The following U2AF2 variants were observed in gnomAD, a reference collection of about 807,000 sequenced individuals.
U2AF2 encodes splicing factor U2AF 65 kDa subunit.
A neutral mutation model predicts 52.6 loss-of-function variants in U2AF2; 6 were observed. That is an observed-to-expected ratio of 0.11 (90% confidence interval 0.06 to 0.23). U2AF2 has a LOEUF of 0.23. U2AF2 is among the 10% of genes least tolerant of loss of function. U2AF2 has a pLI of 1.00. For synonymous variants in U2AF2, 284 were observed against 258.2 expected, an observed-to-expected ratio of 1.10 and a Z score of -0.96; for missense variants, 222 against 677.1, an observed-to-expected ratio of 0.33 and a Z score of 7.46.
At chr19:55,657,974 C>T (rs1351052644) in intron 1 of U2AF2, among the ~76,000 whole-genome samples, 1 of 152,176 alleles carries the variant, frequency 6.6e-6, no homozygotes, top group African/African-American at 2.4e-5. Flanking sequence ...GGAAGCATCT[C>T]AATATTTGTT....
Position 55,669,070 on chromosome 19 carries a change from C to T in U2AF2, c.946-13C>T, listed in dbSNP as rs1191785402. The stretch of plus-strand genomic sequence containing the variant: ...CTCCCCGCACCCCCCGACCCCTCAT[C>T]CTCCAAACACAGGCCATTGCGGGGC... On this transcript the variant is annotated splice_polypyrimidine_tract_variant and intron_variant, in intron 9 of 11. Transcript: ENST00000308924. The T allele has an allele frequency of 4.3e-6, 7 of 1,609,750 alleles. No individual in the cohort carries two copies. Among genetic ancestry groups the T allele is most frequent in the Admixed American group, 1.7e-5 (1 of 59,942 alleles).
intron 7 of U2AF2, among the ~76,000 whole-genome samples, chr19:55,666,833 A>T (rs1487031678): frequency 2.0e-5 from 3 of 152,076 alleles, no homozygotes; most frequent in Non-Finnish European, 4.4e-5. Context: ...TCTTCCTTGG[A>T]CCCAGGCAGA....
intron 11 of U2AF2, among the ~76,000 whole-genome samples, chr19:55,672,316 C>T (rs1984973059): frequency 6.6e-6 from 1 of 152,116 alleles, no homozygotes; most frequent in African/African-American, 2.4e-5. Flanking sequence ...TCTTAATTTT[C>T]ATATTCAGCT....
At chr19:55,669,806 C>T in intron 11 of U2AF2, 114 bp downstream of exon 11, 4 of 1,408,906 alleles carry the variant, frequency 2.8e-6, no homozygotes, top group South Asian at 2.9e-5. Flanking sequence ...TCCGCGCGCT[C>T]TTTCTTCCTC....
chr19:55,674,308 C>T lies in U2AF2; in HGVS notation c.*240C>T, dbSNP rs1478224942. The T allele has an allele frequency of 4.0e-6, 2 of 499,690 alleles. No homozygotes were observed. Among genetic ancestry groups the T allele is most frequent in the East Asian group, 3.7e-5 (1 of 27,340 alleles). The allele number at this position is 499,690 out of a possible 1,614,324, so 31.0% of individuals were successfully genotyped here. Reference sequence around the variant, plus strand: ...AGCCCACACAGACAACACGCACCCACACAGACACAGAGGGAAGGGGTTGGG... The same window carrying T: ...AGCCCACACAGACAACACGCACCCATACAGACACAGAGGGAAGGGGTTGGG... On this transcript the variant is annotated 3_prime_UTR_variant, in exon 12 of 12. Coordinates refer to ENST00000308924, the MANE Select transcript of U2AF2 (RefSeq NM_007279.3).
intron 7 of U2AF2, among the ~76,000 whole-genome samples, chr19:55,667,817 A>T (rs2123690795): frequency 6.8e-6 from 1 of 147,378 alleles, no homozygotes; most frequent in African/African-American, 2.5e-5. Context: ...ATGGAGTCTC[A>T]CTCTGTTGCT....
intron 11 of U2AF2, among the ~76,000 whole-genome samples, chr19:55,670,978 G>C (rs1462206369): frequency 6.6e-6 from 1 of 152,194 alleles, no homozygotes; most frequent in Non-Finnish European, 1.5e-5. Flanking sequence ...CCAAAGCGAT[G>C]CCACAGCCAG....
intron 4 of U2AF2, 54 bp from the exon 5 acceptor site, chr19:55,660,984 G>A: frequency 6.5e-7 from 1 of 1,527,104 alleles, no homozygotes. Flanking sequence ...GGTGAGGGGT[G>A]GTCACTGAGC....
chr19:55,668,789 T>C lies in U2AF2; in HGVS notation c.942T>C (p.Asp314=). The change falls in exon 9 of 12, where the codon GAT becomes GAC. Residue 314 remains aspartate, a synonymous_variant. Coordinates refer to ENST00000308924, the MANE Select transcript of U2AF2 (RefSeq NM_007279.3). The surrounding 1 kb of genome is among the most constrained non-coding windows in gnomAD (Gnocchi z 5.5). ...FCEYVDINVT[D]QAIAGLNGMQ... ...AGTACGTGGACATCAACGTCACGGA[T>C]CAGGTGAGTCCCCGGTCGCTGGCCG... 1 of 1,611,482 alleles carries C rather than the reference T, an allele frequency of 6.2e-7. No homozygotes were observed. The highest frequency in any genetic ancestry group is 1.1e-5 in the South Asian group (1 of 91,004).
chr19:55,655,199 C>T (rs748533970), intron 1 of U2AF2, 46 bp downstream of exon 1: 41 of 1,573,570 alleles, frequency 2.6e-5, no homozygotes, highest in Middle Eastern at 1.8e-4. Flanking sequence ...CGGCTCCTCG[C>T]GTCGCTCTTT....
At chr19:55,660,459 C>A (rs2123676696) in intron 3 of U2AF2, 57 bp from the exon 4 acceptor site, 1 of 1,171,680 alleles carries the variant, frequency 8.5e-7, no homozygotes, top group Non-Finnish European at 1.3e-6. Flanking sequence ...GCTCGCAGGC[C>A]CACTGTTGGT....
chr19:55,669,277 G>A (rs1984731521), intron 10 of U2AF2, 96 bp downstream of exon 10: 1 of 1,558,966 alleles, frequency 6.4e-7, no homozygotes, highest in Non-Finnish European at 8.7e-7. Flanking sequence ...GCTTTCATGG[G>A]AAGGCATTTG....
At chr19:55,657,118 G>C (rs528033842) in intron 1 of U2AF2, among the ~76,000 whole-genome samples, 2 of 152,234 alleles carry the variant, frequency 1.3e-5, no homozygotes, top group Admixed American at 6.5e-5. Context: ...CTGATTGGGC[G>C]GTTCTTTGAG....
At chr19:55,656,135 A>G (rs191544165) in intron 1 of U2AF2, among the ~76,000 whole-genome samples, 4 of 152,342 alleles carry the variant, frequency 2.6e-5, no homozygotes, top group East Asian at 3.9e-4. Flanking sequence ...AGGGATTCCA[A>G]TAATATTAGA....
chr19:55,672,647 T>A (rs1374917377), intron 11 of U2AF2, among the ~76,000 whole-genome samples: 1 of 152,208 alleles, frequency 6.6e-6, no homozygotes. Flanking sequence ...TGTTTTGTTT[T>A]TTTAACAAAA....
intron 11 of U2AF2, chr19:55,670,605 C>T (rs1245530718): frequency 3.4e-6 from 1 of 292,626 alleles, no homozygotes; most frequent in East Asian, 1.1e-4. Flanking sequence ...GGCCGCATTC[C>T]TGGGTGTACT....
intron 7 of U2AF2, 191 bp downstream of exon 7, chr19:55,663,935 C>T (rs578043700): frequency 2.3e-5 from 18 of 768,948 alleles, no homozygotes; most frequent in Middle Eastern, 3.9e-4. Context: ...TGCCTAGGGC[C>T]GGGAGAATGA....
intron 3 of U2AF2, 130 bp from the exon 4 acceptor site, chr19:55,660,386 C>T: frequency 4.6e-6 from 5 of 1,093,768 alleles, no homozygotes; most frequent in South Asian, 1.5e-5. Flanking sequence ...CAGACCCTCT[C>T]CTTCCCTGGA....
rs895596693 is a variant in U2AF2 at position 55,674,602 on chromosome 19, T to G, written c.*534T>G. The G allele has an allele frequency of 6.5e-6, 1 of 153,716 alleles. No individual in the cohort carries two copies. The highest frequency in any genetic ancestry group is 6.5e-5 in the Admixed American group (1 of 15,410). 9.5% of individuals were successfully genotyped at this position (153,716 alleles called of 1,614,324 possible). Reference sequence around the variant, plus strand: ...TACGTAGTTGATTTTTCCTCTTTAGTCTCCCCCGACCTGCGCCCAGCCCCG... The same window carrying G: ...TACGTAGTTGATTTTTCCTCTTTAGGCTCCCCCGACCTGCGCCCAGCCCCG... On this transcript the variant is annotated 3_prime_UTR_variant, in exon 12 of 12. Transcript: ENST00000308924.
Sources: allele counts gnomAD v4.1 joint callset (sites outside exome capture counted in the v4.1 genomes callset), GRCh38; gene constraint gnomAD v4.1.1; non-coding constraint Gnocchi (gnomAD v3.1); transcripts MANE v1.5; gene names NCBI Gene and HGNC (gene_info 2026-07-23, HGNC 2026-07-21).